DDX56: variants seen among roughly 807,000 people sequenced by gnomAD.
DDX56 encodes the protein DEAD-box helicase 56.
Under a neutral mutation model 61.5 loss-of-function variants are expected in DDX56, and 45 were observed. The observed-to-expected ratio is 0.73, with a 90% CI of 0.58 to 0.94. DDX56 has a LOEUF of 0.94. Ranked by LOEUF, DDX56 falls within the 40% of genes least tolerant of loss-of-function variation. DDX56 has a pLI of 0.00. For synonymous variants in DDX56, 273 were observed against 268.3 expected (o/e 1.02, Z -0.17); for missense variants, 708 against 690.7 (o/e 1.02, Z -0.28).
At chr7:44,568,805 C>G in intron 11 of DDX56, 98 bp downstream of exon 11, 1 of 1,004,142 alleles carries the variant, frequency 1.0e-6, no homozygotes, top group Non-Finnish European at 1.5e-6. Context: ...GGCCAGAAAA[C>G]TGCCCAGTTC....
At chr7:44,572,780 G>A (rs764855226) in intron 3 of DDX56, 36 bp from the exon 4 acceptor site, 5 of 1,611,194 alleles carry the variant, frequency 3.1e-6, no homozygotes, top group Admixed American at 1.7e-5. Flanking sequence ...CAGGCAGAAT[G>A]TAGCAGCTGG....
rs1385873090 is a variant in DDX56, at chr7:44,572,675, T to C, written c.453A>G (p.Gln151=). 6 of 1,614,230 alleles carry C rather than the reference T, an allele frequency of 3.7e-6. No homozygotes were observed. The highest frequency in any genetic ancestry group is 5.1e-6 in the Non-Finnish European group (6 of 1,180,054). The change falls in exon 4 of 14, where the codon CAA becomes CAG. Residue 151 remains glutamine, a synonymous_variant. Coordinates refer to ENST00000258772, the MANE Select transcript of DDX56 (RefSeq NM_019082.4). ...GGGAGTCACGAAGTTTCAGGCTGTCTTGCTGCAAGTGGCTTAATATGCGAG... is the reference window on the plus strand; with the variant it reads ...GGGAGTCACGAAGTTTCAGGCTGTCCTGCTGCAAGTGGCTTAATATGCGAG... The part of the protein sequence containing the change: ...TPSRILSHLQ[Q]DSLKLRDSLE...
intron 7 of DDX56, 122 bp from the exon 8 acceptor site, chr7:44,570,250 T>A: frequency 7.7e-7 from 1 of 1,303,082 alleles, no homozygotes; most frequent in Non-Finnish European, 1.1e-6. Flanking sequence ...TACAGAGGAC[T>A]CTCCAACAAT....
In DDX56 at chr7:44,568,242, G is replaced by A; in HGVS notation, c.1384-19C>T. On this transcript the variant is annotated intron_variant, in intron 11 of 13. Transcript: ENST00000258772. ...AGTATGTCTGCCGGGGGAAGAGGGA[G>A]AGCCACAGAGTGAGCATCTTTCTTC... The A allele has an allele frequency of 6.4e-7, 1 of 1,556,574 alleles. No individual in the cohort carries two copies. Among genetic ancestry groups the A allele is most frequent in the Non-Finnish European group, 8.8e-7 (1 of 1,135,086 alleles).
At chr7:44,571,846 T>C in intron 5 of DDX56, 110 bp from the exon 6 acceptor site, 1 of 1,411,332 alleles carries the variant, frequency 7.1e-7, no homozygotes, top group African/African-American at 1.4e-5. Flanking sequence ...GAGATGCATT[T>C]AAGGATTCCT....
rs1802517692 is a variant in DDX56 at position 44,565,947 on chromosome 7, A to G, written c.*55T>C. 7.2e-7 allele frequency: 1 copy of G among 1,383,688 alleles called. No homozygotes were observed. The allele number at this position is 1,383,688 out of a possible 1,614,324, so 85.7% of individuals were successfully genotyped here. On this transcript the variant is annotated 3_prime_UTR_variant, in exon 14 of 14. Coordinates refer to ENST00000258772, the MANE Select transcript of DDX56 (RefSeq NM_019082.4). Reference sequence around the variant, plus strand: ...AGCACCAGAGCCTCGCCTGTCCACGAAGGGTGTAAGCCTGTGCTCCACAAT... The same window carrying G: ...AGCACCAGAGCCTCGCCTGTCCACGGAGGGTGTAAGCCTGTGCTCCACAAT...
In DDX56 at chr7:44,573,659, G is replaced by A; in HGVS notation, c.146C>T (p.Ala49Val). Residue 49 changes from alanine to valine, a missense_variant, in exon 2 of 14, where the codon GCT (alanine) becomes GTT (valine). Ala to Val is a moderately conservative substitution (Grantham distance 64). Transcript: ENST00000258772. The stretch of plus-strand genomic sequence containing the variant: ...CTTCCCGGAGCCCGTGCGGGCCCGA[G>A]CCAGGAGGTCCTTCCCTTCTAGGGC... ...PLALEGKDLL[A>V]RARTGSGKTA... 2 of 1,613,820 alleles carry A rather than the reference G, an allele frequency of 1.2e-6. No individual in the cohort carries two copies. Among genetic ancestry groups the A allele is most frequent in the Non-Finnish European group, 1.7e-6 (2 of 1,180,044 alleles).
chr7:44,572,080 G>T (rs930628678), intron 5 of DDX56, among the ~76,000 whole-genome samples: 6 of 152,182 alleles, frequency 3.9e-5, no homozygotes, highest in Non-Finnish European at 7.4e-5. Flanking sequence ...TAGAATTTTG[G>T]CTCTGCTGCT....
chr7:44,573,873 C>T lies in DDX56; in HGVS notation c.23G>A (p.Gly8Asp), dbSNP rs757028782. The change falls in exon 1 of 14, where the codon GGC becomes GAC. Residue 8 changes from glycine to aspartate, a missense_variant. By Grantham distance (94) the Gly-to-Asp change is moderately conservative. Coordinates refer to ENST00000258772, the MANE Select transcript of DDX56 (RefSeq NM_019082.4). ...GGGATCGAGGCCCATGTGTTCGAAGCCCAGTGCTTCAGAGTCCTCCATGGC... is the reference window on the plus strand; with the variant it reads ...GGGATCGAGGCCCATGTGTTCGAAGTCCAGTGCTTCAGAGTCCTCCATGGC... MEDSEAL[G>D]FEHMGLDPRL... 6.2e-7 allele frequency: 1 copy of T among 1,613,186 alleles called. No homozygotes were observed. Among genetic ancestry groups the T allele is most frequent in the East Asian group, 2.2e-5 (1 of 44,890 alleles).
rs962888388 is a variant in DDX56 at position 44,570,118 on chromosome 7, G to T, written c.1021C>A (p.Pro341Thr). 2.5e-6 allele frequency: 4 copies of T among 1,613,866 alleles called. No individual in the cohort carries two copies. In the African/African-American group the frequency reaches 5.3e-5, roughly 22 times the overall value. ...ATGCCCCGGGCCACACCTGCTTCCG[G>T]ATCAGAGGCCCTGCAGAGATAACTC... ...RGPKGDKASD[P>T]EAGVARGIDF... Residue 341 changes from proline (P) to threonine (T), a missense_variant, in exon 8 of 14, where the codon CCG (proline) becomes ACG (threonine). Physicochemically the swap from Pro to Thr is conservative, Grantham distance 38. Coordinates refer to ENST00000258772, the MANE Select transcript of DDX56 (RefSeq NM_019082.4).
At chr7:44,572,495 G>A (rs926651183) in intron 4 of DDX56, 58 bp from the exon 5 acceptor site, 1 of 1,612,838 alleles carries the variant, frequency 6.2e-7, no homozygotes, top group Admixed American at 1.7e-5. Flanking sequence ...TGTAGTAACT[G>A]GCTTCCAGCC....
chr7:44,566,092 A>C lies in DDX56; in HGVS notation c.1567-13T>G. On this transcript the variant is annotated splice_polypyrimidine_tract_variant and intron_variant, in intron 13 of 13. Transcript: ENST00000258772. ...GGGACTTTGCTCTCTAAGGAGGCAA[A>C]GTCACAGGTTAGTTGGGGGAATCAG... 1 of 1,588,426 alleles carries C rather than the reference A, an allele frequency of 6.3e-7. No homozygotes were observed. Among genetic ancestry groups the C allele is most frequent in the Non-Finnish European group, 8.6e-7 (1 of 1,162,832 alleles).
At chr7:44,567,529 T>C (rs888925265) in intron 12 of DDX56, among the ~76,000 whole-genome samples, 2 of 152,264 alleles carry the variant, frequency 1.3e-5, no homozygotes, top group Non-Finnish European at 2.9e-5. Flanking sequence ...CCAGTATTAA[T>C]GGCCACATAA....
intron 9 of DDX56, 101 bp downstream of exon 9, chr7:44,569,708 G>C: frequency 9.4e-7 from 1 of 1,059,696 alleles, no homozygotes; most frequent in Non-Finnish European, 1.4e-6. Flanking sequence ...GAAGTGGCCT[G>C]TCACACTATG....
rs770305027 is a variant in DDX56 at position 44,573,049 on chromosome 7, G to A, written c.224C>T (p.Thr75Ile). The change falls in exon 3 of 14, where the codon ACA becomes ATA. Residue 75 changes from threonine to isoleucine, a missense_variant and splice_region_variant. Physicochemically the swap from Thr to Ile is moderately conservative, Grantham distance 89 (BLOSUM62 -1). Coordinates refer to ENST00000258772, the MANE Select transcript of DDX56 (RefSeq NM_019082.4). ...MLQLLLHRKA[T>I]GPVVEQAVRG... ...CACTGCCTGTTCTACCACCGGACCTGTCTGTAAGAATATGAATTAAAGACT... is the reference window on the plus strand; with the variant it reads ...CACTGCCTGTTCTACCACCGGACCTATCTGTAAGAATATGAATTAAAGACT... 6.4e-7 allele frequency: 1 copy of A among 1,568,060 alleles called. No individual in the cohort carries two copies.
intron 12 of DDX56, 131 bp downstream of exon 12, chr7:44,567,987 T>G (rs1392150994): frequency 1.4e-6 from 1 of 740,078 alleles, no homozygotes; most frequent in African/African-American, 1.7e-5. Flanking sequence ...CATGCCCGCG[T>G]GCTGCCAGGG....
Position 44,566,055 on chromosome 7 carries a change from G to C in DDX56, c.1591C>G (p.Arg531Gly). 2 of 1,612,558 alleles carry C rather than the reference G, an allele frequency of 1.2e-6. No homozygotes were observed. The highest frequency in any genetic ancestry group is 1.7e-6 in the Non-Finnish European group (2 of 1,179,824). Residue 531 changes from arginine to glycine, a missense_variant, in exon 14 of 14, where the codon CGC becomes GGC. Coordinates refer to ENST00000258772, the MANE Select transcript of DDX56 (RefSeq NM_019082.4). ...TTCTTTCCTTTGTGCTTGAAGCTGC[G>C]CAGTGGGTTCTGGGACTTTGCTCTC... ...AKRAKSQNPL[R>G]SFKHKGKKFR...
At position 44,571,676 on chromosome 7, in the gene DDX56, C is replaced by A. The variant is rs773024707; in HGVS notation, c.706G>T (p.Val236Leu). 5.0e-6 allele frequency: 8 copies of A among 1,614,002 alleles called. No individual in the cohort carries two copies. The Admixed American group carries it at 1.2e-4, about 24-fold the overall frequency. ...PGPDQLQQFQ[V>L]VCETEEDKFL... ...TTGTCTTCCTCAGTCTCACAGACCACCTGAAACTGCTGTAACTGGTCTGGC... is the reference window on the plus strand; with the variant it reads ...TTGTCTTCCTCAGTCTCACAGACCAACTGAAACTGCTGTAACTGGTCTGGC... Residue 236 changes from valine (V) to leucine (L), a missense_variant, in exon 6 of 14, where the codon GTG (valine) becomes TTG (leucine). By Grantham distance (32) the Val-to-Leu change is conservative. Coordinates refer to ENST00000258772, the MANE Select transcript of DDX56 (RefSeq NM_019082.4).
At chr7:44,568,044 G>C (rs1157785399) in intron 12 of DDX56, 74 bp downstream of exon 12, 3 of 1,217,420 alleles carry the variant, frequency 2.5e-6, no homozygotes, top group African/African-American at 1.5e-5. Context: ...CAAGCACAGG[G>C]GCTGACCCAG....
Sources: allele counts gnomAD v4.1 joint callset (sites outside exome capture counted in the v4.1 genomes callset), GRCh38; gene constraint gnomAD v4.1.1; transcripts MANE v1.5; gene names NCBI Gene and HGNC (gene_info 2026-07-23, HGNC 2026-07-21).